Variants in LPL observed in about 807,000 individuals in gnomAD.
LPL encodes the protein lipoprotein lipase, also known as phospholipase A1.
LPL carries 43 observed loss-of-function variants against 52.2 expected under a neutral mutation model. The observed-to-expected ratio is 0.82, with a 90% CI of 0.64 to 1.06. The LOEUF (loss-of-function observed/expected upper bound fraction) is 1.06. Ranked by LOEUF, LPL falls within the 50% of genes least tolerant of loss-of-function variation. LPL has a pLI of 0.00. For synonymous variants in LPL, 244 were observed against 215.6 expected (o/e 1.13, Z -1.15); for missense variants, 639 against 585.3 (o/e 1.09, Z -0.95).
intron 6 of LPL, among the ~76,000 whole-genome samples, chr8:19,956,552 C>T (rs1341583804): frequency 6.6e-6 from 1 of 152,190 alleles, no homozygotes; most frequent in Non-Finnish European, 1.5e-5. Context: ...AATATTCCAT[C>T]ACCCAGGTAT....
intron 9 of LPL, among the ~76,000 whole-genome samples, chr8:19,963,309 GCCTGTAAT>G (rs1234249499): frequency 6.6e-6 from 1 of 152,090 alleles, no homozygotes; most frequent in African/African-American, 2.4e-5. Flanking sequence ...GGCGGCACAT[GCCTGTAAT>G]CCCAGCTACT....
chr8:19,950,495 G>C lies in LPL; in HGVS notation c.250-1274G>C, dbSNP rs910015490. Among the ~76,000 whole-genome samples, 1 of 152,160 alleles carries C rather than the reference G, an allele frequency of 6.6e-6. No homozygotes were observed. The highest frequency in any genetic ancestry group is 1.5e-5 in the Non-Finnish European group (1 of 68,014). On this transcript the variant is annotated intron_variant, in intron 2 of 9. Transcript: ENST00000650287. The surrounding 1 kb of genome is among the most constrained non-coding windows in gnomAD (Gnocchi z 4.2). Reference sequence around the variant, plus strand: ...GTAAGTTGGATGTCCAGCCTTTTTAGATTGCTTAACTTGGAAACACTGGGC... The same window carrying C: ...GTAAGTTGGATGTCCAGCCTTTTTACATTGCTTAACTTGGAAACACTGGGC...
At chr8:19,961,755 T>C (rs1317256326) in intron 8 of LPL, among the ~76,000 whole-genome samples, 1 of 152,146 alleles carries the variant, frequency 6.6e-6, no homozygotes, top group African/African-American at 2.4e-5. Flanking sequence ...AGAATCTTTT[T>C]TACACTAGCA....
intron 4 of LPL, 138 bp downstream of exon 4, chr8:19,953,559 T>C: frequency 4.4e-6 from 3 of 688,568 alleles, no homozygotes; most frequent in South Asian, 1.5e-5. Context: ...GATTATCTCA[T>C]TGTAGGGCTC....
intron 6 of LPL, among the ~76,000 whole-genome samples, chr8:19,957,153 G>A (rs1423568422): frequency 6.6e-6 from 1 of 152,180 alleles, no homozygotes; most frequent in Non-Finnish European, 1.5e-5. Context: ...CTGCCATTTT[G>A]CCAGGAGTTT....
Position 19,950,129 on chromosome 8 carries a change from T to C in LPL, c.250-1640T>C, listed in dbSNP as rs1018574674. On this transcript the variant is annotated intron_variant, in intron 2 of 9. Transcript: ENST00000650287. This position sits in a 1 kb window ranked among gnomAD's most constrained non-coding sequence, Gnocchi z 4.2. ...CTGCTGTCTGGCTGTGGGACTGAGT[T>C]GGGTCTGTGCAAGAACTAAGCCAGC... 6.6e-6 allele frequency among the ~76,000 whole-genome samples: 1 copy of C among 152,186 alleles called. No homozygotes were observed. The highest frequency in any genetic ancestry group is 2.4e-5 in the African/African-American group (1 of 41,452).
At position 19,965,515 on chromosome 8, in the gene LPL, T is replaced by C. The variant is rs2070077918; in HGVS notation, c.*205T>C. 3.5e-6 allele frequency: 2 copies of C among 564,146 alleles called. No individual in the cohort carries two copies. Among genetic ancestry groups the C allele is most frequent in the Admixed American group, 3.0e-5 (1 of 33,210 alleles). The allele number at this position is 564,146 out of a possible 1,614,324, so 34.9% of individuals were successfully genotyped here. On this transcript the variant is annotated 3_prime_UTR_variant, in exon 10 of 10. Transcript: ENST00000650287. ...AGTGGCTAATTCAATTTATGGGGTA[T>C]AGTGGCCAAATAGCACATCCTCCAA...
At chr8:19,956,164 T>A in intron 6 of LPL, 81 bp downstream of exon 6, 1 of 1,588,438 alleles carries the variant, frequency 6.3e-7, no homozygotes, top group Non-Finnish European at 8.6e-7. Flanking sequence ...ACTGATTCTG[T>A]CCATTGGAAC....
At chr8:19,948,611 C>T in intron 2 of LPL, 2 of 433,482 alleles carry the variant, frequency 4.6e-6, no homozygotes, top group Non-Finnish European at 8.4e-6. Context: ...GGATGCTCTG[C>T]CCAGCTACTG....
chr8:19,959,201 T>G, intron 6 of LPL, 59 bp from the exon 7 acceptor site: 11 of 1,611,074 alleles, frequency 6.8e-6, no homozygotes, highest in Non-Finnish European at 9.3e-6. Context: ...GCCTGACTAT[T>G]TGGGGTTGTG....
chr8:19,959,318 T>C lies in LPL; in HGVS notation c.1077T>C (p.Asn359=), dbSNP rs2128839208. 1 of 1,614,106 alleles carries C rather than the reference T, an allele frequency of 6.2e-7. No individual in the cohort carries two copies. The highest frequency in any genetic ancestry group is 8.5e-7 in the Non-Finnish European group (1 of 1,180,000). Residue 359 remains asparagine, a synonymous_variant, in exon 7 of 10, where the codon AAT becomes AAC. Coordinates refer to ENST00000650287, the MANE Select transcript of LPL (RefSeq NM_000237.3). The part of the protein sequence containing the change: ...FSGTESETHT[N]QAFEISLYGT... ...GGACTGAGAGTGAAACCCATACCAA[T>C]CAGGCCTTTGAGATTTCTCTGTATG...
In LPL at chr8:19,951,809, C is replaced by T. The variant is rs201946950; in HGVS notation, c.290C>T (p.Ala97Val). ...GAGAGTTGGGTGCCAAAACTTGTGG[C>T]CGCCCTGTACAAGAGAGAACCAGAC... is the stretch of plus-strand genomic sequence containing the variant. ...MYESWVPKLV[A>V]ALYKREPDSN... The change falls in exon 3 of 10, where the codon GCC becomes GTC. Residue 97 changes from alanine (A) to valine (V), a missense_variant. Coordinates refer to ENST00000650287, the MANE Select transcript of LPL (RefSeq NM_000237.3). 1.7e-4 allele frequency: 278 copies of T among 1,614,146 alleles called. 7 individuals carry two copies. In the South Asian group the frequency reaches 2.9e-3, roughly 17 times the overall value.
intron 6 of LPL, among the ~76,000 whole-genome samples, chr8:19,956,400 G>A (rs1026202370): frequency 2.0e-5 from 3 of 152,152 alleles, no homozygotes; most frequent in South Asian, 4.1e-4. Context: ...CATCCACCTC[G>A]GGTCAACAAA....
Position 19,965,404 on chromosome 8 carries a change from G to C in LPL, c.*94G>C. The stretch of plus-strand genomic sequence containing the variant: ...TTTTACAAAACATACCCAGTGTTTG[G>C]GGTGTTTCAAAAGTGGATTTTCCTG... On this transcript the variant is annotated 3_prime_UTR_variant, in exon 10 of 10. Coordinates refer to ENST00000650287, the MANE Select transcript of LPL (RefSeq NM_000237.3). 1 of 769,876 alleles carries C rather than the reference G, an allele frequency of 1.3e-6. No homozygotes were observed. The highest frequency in any genetic ancestry group is 2.4e-6 in the Non-Finnish European group (1 of 413,484). 47.7% of individuals were successfully genotyped at this position (769,876 alleles called of 1,614,324 possible).
At chr8:19,957,472 T>C (rs1053802355) in intron 6 of LPL, among the ~76,000 whole-genome samples, 5 of 152,118 alleles carry the variant, frequency 3.3e-5, no homozygotes, top group African/African-American at 1.2e-4. Flanking sequence ...AGGCAATGCG[T>C]ATGAGGTAAA....
In LPL at chr8:19,939,321, C is replaced by T; in HGVS notation, c.-120C>T. The T allele has an allele frequency of 1.2e-6, 1 of 857,310 alleles. No homozygotes were observed. The highest frequency in any genetic ancestry group is 1.5e-5 in the South Asian group (1 of 67,700). 53.1% of individuals were successfully genotyped at this position (857,310 alleles called of 1,614,324 possible). On this transcript the variant is annotated 5_prime_UTR_variant, in exon 1 of 10. Transcript: ENST00000650287. This position sits in a 1 kb window ranked among gnomAD's most constrained non-coding sequence, Gnocchi z 4.0. ...GCCCACTTCTAGCTGCCCTGCCATC[C>T]CCTTTAAAGGGCGACTTGCTCAGCG...
intron 7 of LPL, 124 bp downstream of exon 7, chr8:19,959,504 T>G: frequency 7.9e-7 from 1 of 1,268,716 alleles, no homozygotes; most frequent in Non-Finnish European, 1.1e-6. Context: ...AAATCAGAAT[T>G]TCAAAATTGA....
Position 19,960,883 on chromosome 8 carries a change from T to C in LPL, c.1140-18T>C. ...GCTGATCTCTATAACTAACCAAATT[T>C]ATTGCTTTTTTGTTTAGGCCTGAAG... On this transcript the variant is annotated intron_variant, in intron 7 of 9. Transcript: ENST00000650287. 6.2e-7 allele frequency: 1 copy of C among 1,607,566 alleles called. No homozygotes were observed. The highest frequency in any genetic ancestry group is 8.5e-7 in the Non-Finnish European group (1 of 1,175,026).
In LPL at chr8:19,955,883, A is replaced by T. The variant is rs773407951; in HGVS notation, c.818A>T (p.His273Leu). The change falls in exon 6 of 10, where the codon CAT becomes CTT. Residue 273 changes from histidine to leucine, a missense_variant. Transcript: ENST00000650287. Reference protein sequence around the residue: ...LVKCSHERSIHLFIDSLLNEE... With the variant: ...LVKCSHERSILLFIDSLLNEE... ...AAGTGCTCCCACGAGCGCTCCATTC[A>T]TCTCTTCATCGACTCTCTGTTGAAT... The T allele has an allele frequency of 1.2e-6, 2 of 1,614,206 alleles. No homozygotes were observed. The highest frequency in any genetic ancestry group is 4.5e-5 in the East Asian group (2 of 44,874).
Sources: gnomAD v4.1 joint callset for allele counts (sites outside exome capture counted in the v4.1 genomes callset) on GRCh38, gnomAD v4.1.1 for gene constraint, Gnocchi (gnomAD v3.1) non-coding constraint, MANE v1.5 for transcripts, NCBI Gene and HGNC (gene_info 2026-07-23, HGNC 2026-07-21) for gene names.